The following DNAH14 variants were observed in gnomAD, a reference collection of about 807,000 sequenced individuals.
DNAH14 encodes the protein axonemal beta dynein heavy chain 14.
DNAH14 carries 478 observed loss-of-function variants against 520.9 expected under a neutral mutation model. The observed-to-expected ratio is 0.92, with a 90% CI of 0.85 to 0.99. The LOEUF (loss-of-function observed/expected upper bound fraction) is 0.99. Among genes scored for constraint, DNAH14 ranks in the 50% least tolerant of loss-of-function variants. DNAH14 has a pLI of 0.00. For missense variants in DNAH14, 4,831 were observed against 5,234.5 expected (o/e 0.92, Z 2.38); for synonymous variants, 1,581 against 1,757.2 (o/e 0.90, Z 2.51).
intron 52 of DNAH14, among the ~76,000 whole-genome samples, chr1:225,274,979 C>G (rs2093430627): frequency 6.6e-6 from 1 of 152,174 alleles, no homozygotes; most frequent in Non-Finnish European, 1.5e-5. Flanking sequence ...TCACTTTAAT[C>G]TTAATTCATA....
chr1:224,941,187 C>T (rs2059395885), intron 1 of DNAH14, among the ~76,000 whole-genome samples: 1 of 152,090 alleles, frequency 6.6e-6, no homozygotes, highest in African/African-American at 2.4e-5. Context: ...CCTGTTGTTT[C>T]CTGACTTTTT....
intron 39 of DNAH14, among the ~76,000 whole-genome samples, chr1:225,205,233 C>G (rs543440858): frequency 1.3e-5 from 2 of 152,114 alleles, no homozygotes; most frequent in Non-Finnish European, 2.9e-5. Context: ...TATTAGGAGG[C>G]AGGGGGCCTT....
intron 19 of DNAH14, among the ~76,000 whole-genome samples, chr1:225,081,776 G>GT (rs2148585984): frequency 6.6e-6 from 1 of 152,238 alleles, no homozygotes; most frequent in South Asian, 2.1e-4. Flanking sequence ...TAAAAAGGTT[G>GT]TAAGAGTTGA....
chr1:225,160,772 G>T (rs1305944058), intron 35 of DNAH14, among the ~76,000 whole-genome samples: 3 of 151,998 alleles, frequency 2.0e-5, no homozygotes, highest in South Asian at 2.1e-4. Flanking sequence ...TTCCTTGATT[G>T]CATTGTCTGT....
chr1:225,319,120 A>G (rs2094516461), intron 61 of DNAH14, among the ~76,000 whole-genome samples: 1 of 152,300 alleles, frequency 6.6e-6, no homozygotes, highest in South Asian at 2.1e-4. Context: ...GGACTGTACT[A>G]ACACATATCT....
At chr1:225,082,516 A>G in intron 19 of DNAH14, 33 bp from the exon 20 acceptor site, 1 of 1,436,402 alleles carries the variant, frequency 7.0e-7, no homozygotes, top group Non-Finnish European at 9.2e-7. Flanking sequence ...TAATGAACAT[A>G]TTATAAGCCT....
rs1287204178 is a variant in DNAH14 at position 224,954,946 on chromosome 1, CT to C, written c.78-10del. On this transcript the variant is annotated splice_polypyrimidine_tract_variant and intron_variant, in intron 2 of 85. Transcript: ENST00000682510. Reference sequence around the variant, plus strand: ...CCATTTATTTTCTTAGAATTGTTTTCTTTGTCATTTAGACTTTTAAGATATG... The same window carrying C: ...CCATTTATTTTCTTAGAATTGTTTTCTTGTCATTTAGACTTTTAAGATATG... The C allele has an allele frequency of 1.9e-6, 3 of 1,560,030 alleles. No individual in the cohort carries two copies. The highest frequency in any genetic ancestry group is 2.6e-6 in the Non-Finnish European group (3 of 1,149,118).
chr1:225,163,615 A>G (rs901352620), intron 35 of DNAH14, among the ~76,000 whole-genome samples: 1 of 152,176 alleles, frequency 6.6e-6, no homozygotes, highest in African/African-American at 2.4e-5. Context: ...AAATGATTAT[A>G]TGGTTTTTGT....
intron 27 of DNAH14, among the ~76,000 whole-genome samples, chr1:225,127,787 C>G (rs1233903883): frequency 6.6e-6 from 1 of 152,098 alleles, no homozygotes; most frequent in Non-Finnish European, 1.5e-5. Flanking sequence ...TTAGTTGATG[C>G]AGTTTCTTCC....
intron 8 of DNAH14, among the ~76,000 whole-genome samples, chr1:224,989,653 G>T (rs1280200962): frequency 6.6e-6 from 1 of 152,106 alleles, no homozygotes; most frequent in Non-Finnish European, 1.5e-5. Context: ...TATCTTAAAG[G>T]AAAGGATTGA....
rs2072844762 is a variant in DNAH14 at position 225,079,561 on chromosome 1, G to C, written c.2766+13G>C. On this transcript the variant is annotated intron_variant, in intron 18 of 85. Coordinates refer to ENST00000682510, the MANE Select transcript of DNAH14 (RefSeq NM_001367479.1). The stretch of plus-strand genomic sequence containing the variant: ...TTTAAAAGCCAAGGTAAGTTTTTAG[G>C]GTTTTTTTGGATTTTTTTTTTATTA... 4.0e-6 allele frequency: 6 copies of C among 1,493,182 alleles called. 1 individual carries two copies. In the South Asian group the frequency reaches 8.1e-5, roughly 20 times the overall value. The allele number at this position is 1,493,182 out of a possible 1,614,324, so 92.5% of individuals were successfully genotyped here. A position where few individuals can be genotyped will look rare whatever the true frequency, so the allele number is the denominator to read the frequency against.
intron 36 of DNAH14, among the ~76,000 whole-genome samples, chr1:225,176,483 T>A (rs1278077683): frequency 6.6e-6 from 1 of 152,170 alleles, no homozygotes; most frequent in Non-Finnish European, 1.5e-5. Flanking sequence ...GTTTAACTCT[T>A]ATGTTTCTTT....
chr1:224,986,318 T>C (rs1389598281), intron 8 of DNAH14, among the ~76,000 whole-genome samples: 2 of 87,880 alleles, frequency 2.3e-5, no homozygotes, highest in African/African-American at 3.4e-5. Context: ...AAAGGCTTAT[T>C]AAAAAAAAAA....
At chr1:225,249,349 T>C (rs1405160834) in intron 43 of DNAH14, among the ~76,000 whole-genome samples, 1 of 152,228 alleles carries the variant, frequency 6.6e-6, no homozygotes, top group Non-Finnish European at 1.5e-5. Flanking sequence ...AGGGACAATC[T>C]CTAGCATTTG....
rs1231551725 is a variant in DNAH14, at chr1:225,043,077, A to C, written c.1731A>C (p.Ser577=). Residue 577 remains serine, a synonymous_variant, in exon 13 of 86, where the codon TCA becomes TCC. Transcript: ENST00000682510. ...SEELLPKAKK[S]KEISYNLEDI... ...AATTGCTCCCAAAAGCCAAGAAATC[A>C]AAAGAAATTAGTTACAATCTTGAAG... 2 of 1,551,244 alleles carry C rather than the reference A, an allele frequency of 1.3e-6. No individual in the cohort carries two copies. Among genetic ancestry groups the C allele is most frequent in the Non-Finnish European group, 1.7e-6 (2 of 1,146,972 alleles).
At chr1:225,397,307 G>A (rs2096026791) in intron 84 of DNAH14, 6 of 152,324 alleles carry the variant, frequency 3.9e-5, no homozygotes, top group Admixed American at 3.9e-4. Context: ...GCCAAAATAG[G>A]AAGTGCTTAA....
rs796506815 is a variant in DNAH14, at chr1:225,020,513, A to C, written c.1108-3102A>C. On this transcript the variant is annotated intron_variant, in intron 10 of 85. Coordinates refer to ENST00000682510, the MANE Select transcript of DNAH14 (RefSeq NM_001367479.1). ...CTCTGTCTCAAAAAAAAAAAAAAAA[A>C]AAACAACTCAAAGGCTACTATAAAC... Among the ~76,000 whole-genome samples the C allele has an allele frequency of 2.2e-3, 333 of 148,096 alleles. 11 individuals carry two copies. Among genetic ancestry groups the C allele is most frequent in the African/African-American group, 8.0e-3 (315 of 39,360 alleles).
At chr1:224,936,296 T>A (rs2059031637) in intron 1 of DNAH14, among the ~76,000 whole-genome samples, 1 of 151,096 alleles carries the variant, frequency 6.6e-6, no homozygotes, top group African/African-American at 2.4e-5. Flanking sequence ...GAAACAAAAT[T>A]GATAACTGAT....
At chr1:225,357,850 C>A in intron 73 of DNAH14, 2 of 701,782 alleles carry the variant, frequency 2.8e-6, no homozygotes, top group South Asian at 3.0e-5. Flanking sequence ...ATTTTATGGT[C>A]ATTGTGTAGA....
Sources: allele counts gnomAD v4.1 joint callset (sites outside exome capture counted in the v4.1 genomes callset), GRCh38; gene constraint gnomAD v4.1.1; transcripts MANE v1.5; gene names NCBI Gene and HGNC (gene_info 2026-07-23, HGNC 2026-07-21).